HGSNAT: variants seen among roughly 807,000 people sequenced by gnomAD.
The protein encoded by HGSNAT is transmembrane protein 76.
In HGSNAT, 59 loss-of-function variants were observed where a neutral mutation model predicts 85.2. The ratio of observed to expected loss-of-function variants is 0.69; its 90% CI spans 0.56 to 0.86. The LOEUF is 0.86. Among genes scored for constraint, HGSNAT ranks in the 40% least tolerant of loss-of-function variants. The pLI is 0.00. For synonymous variants in HGSNAT, 321 were observed against 304.5 expected (o/e 1.05, Z -0.56); for missense variants, 756 against 777.1 (o/e 0.97, Z 0.32).
At chr8:43,167,926 T>TC in intron 5 of HGSNAT, 1 of 262,234 alleles carries the variant, frequency 3.8e-6, no homozygotes, top group Non-Finnish European at 7.6e-6. Flanking sequence ...TTTCTTTCTT[T>TC]TTTTTTTTTT....
At chr8:43,155,881 G>C (rs1803076883) in intron 2 of HGSNAT, among the ~76,000 whole-genome samples, 1 of 149,770 alleles carries the variant, frequency 6.7e-6, no homozygotes, top group Non-Finnish European at 1.5e-5. Flanking sequence ...TGCTCTTTTT[G>C]CCCAGGCTGG....
intron 12 of HGSNAT, 87 bp downstream of exon 12, chr8:43,191,682 G>A: frequency 6.7e-7 from 1 of 1,498,636 alleles, no homozygotes. Flanking sequence ...TCGAGTCAGA[G>A]GAATTCTCTT....
intron 11 of HGSNAT, among the ~76,000 whole-genome samples, chr8:43,182,920 A>T (rs182134815): frequency 6.6e-6 from 1 of 152,282 alleles, no homozygotes; most frequent in African/African-American, 2.4e-5. Context: ...ACGACATGAG[A>T]TCTATCCTCT....
chr8:43,197,928 A>G lies in HGSNAT; in HGVS notation c.1702A>G (p.Thr568Ala). ...YPVVDVKGLWTGTPFFYPGMN... is the reference protein window; with the variant it reads ...YPVVDVKGLWAGTPFFYPGMN... ...AGTTGTGGATGTGAAGGGGCTGTGG[A>G]CAGGAACCCCATTCTTTTATCCAGG... The change falls in exon 17 of 18, where the codon ACA becomes GCA. Residue 568 changes from threonine (T) to alanine (A), a missense_variant. Transcript: ENST00000379644. 2 of 1,613,616 alleles carry G rather than the reference A, an allele frequency of 1.2e-6. No individual in the cohort carries two copies. Among genetic ancestry groups the G allele is most frequent in the Non-Finnish European group, 1.7e-6 (2 of 1,179,642 alleles).
At chr8:43,191,644 AG>A in intron 12 of HGSNAT, 49 bp downstream of exon 12, 1 of 1,588,986 alleles carries the variant, frequency 6.3e-7, no homozygotes, top group Non-Finnish European at 8.6e-7. Flanking sequence ...TGTTCTGCCC[AG>A]TCAGAGGTTC....
intron 9 of HGSNAT, among the ~76,000 whole-genome samples, chr8:43,175,723 A>G (rs1803788751): frequency 6.7e-6 from 1 of 150,110 alleles, no homozygotes; most frequent in Non-Finnish European, 1.5e-5. Context: ...GCACCACCAC[A>G]CCTGGCTATT....
At chr8:43,196,261 G>C (rs1586756459) in intron 14 of HGSNAT, 1 of 353,032 alleles carries the variant, frequency 2.8e-6, no homozygotes, top group East Asian at 7.5e-5. Context: ...ATTAATATTA[G>C]CTATTACTAT....
Position 43,197,043 on chromosome 8 carries a change from C to T in HGSNAT, c.1542+18C>T, listed in dbSNP as rs1013624277. ...GTATTCTTGTAAGTAAGCAGCATTC[C>T]TCGCTAAAATTCCTTTCCTTCACAT... On this transcript the variant is annotated intron_variant, in intron 15 of 17. Transcript: ENST00000379644. The T allele has an allele frequency of 9.0e-6, 14 of 1,558,250 alleles. No individual in the cohort carries two copies. In the African/African-American group the frequency reaches 1.6e-4, roughly 18 times the overall value.
intron 1 of HGSNAT, among the ~76,000 whole-genome samples, chr8:43,141,979 T>A (rs1382367802): frequency 6.6e-6 from 1 of 152,216 alleles, no homozygotes; most frequent in African/African-American, 2.4e-5. Flanking sequence ...ACCGCAAGGC[T>A]TTCCCTGTCA....
intron 1 of HGSNAT, among the ~76,000 whole-genome samples, chr8:43,143,079 G>T (rs769290042): frequency 2.7e-5 from 4 of 149,148 alleles, no homozygotes; most frequent in Admixed American, 2.0e-4. Flanking sequence ...AAATGAAAAA[G>T]AACTATTTTA....
chr8:43,200,245 T>C lies in HGSNAT; in HGVS notation c.*676T>C. The C allele has an allele frequency of 6.6e-6, 1 of 152,238 alleles. No homozygotes were observed. Among genetic ancestry groups the C allele is most frequent in the Non-Finnish European group, 1.5e-5 (1 of 68,080 alleles). 9.4% of individuals were successfully genotyped at this position (152,238 alleles called of 1,614,324 possible). A position where few individuals can be genotyped will look rare whatever the true frequency, so the allele number is the denominator to read the frequency against. ...CTGCCTGTCTGTCCATCATCTTCCT[T>C]CCTCCCTATCTCTGTGTATCTGGAT... On this transcript the variant is annotated 3_prime_UTR_variant, in exon 18 of 18. Transcript: ENST00000379644.
chr8:43,184,718 G>A (rs1221637615), intron 11 of HGSNAT, among the ~76,000 whole-genome samples: 15 of 152,180 alleles, frequency 9.9e-5, no homozygotes, highest in Admixed American at 9.8e-4. Context: ...GCCCATGCCT[G>A]TGTCCTGAAT....
At chr8:43,142,450 C>G (rs1586693219) in intron 1 of HGSNAT, among the ~76,000 whole-genome samples, 1 of 151,948 alleles carries the variant, frequency 6.6e-6, no homozygotes, top group African/African-American at 2.4e-5. Flanking sequence ...TTGGTCGTGT[C>G]TGTAAGTGAT....
intron 9 of HGSNAT, among the ~76,000 whole-genome samples, chr8:43,175,041 A>T (rs146058155): frequency 6.6e-6 from 1 of 152,210 alleles, no homozygotes; most frequent in Admixed American, 6.5e-5. Context: ...AGTTCCATCC[A>T]TGCTGTTGCA....
At chr8:43,176,408 G>T (rs923546410) in intron 9 of HGSNAT, among the ~76,000 whole-genome samples, 10 of 152,134 alleles carry the variant, frequency 6.6e-5, no homozygotes, top group African/African-American at 2.4e-4. Flanking sequence ...CTATCTATGT[G>T]TCTGTTTTTA....
At chr8:43,145,707 C>T (rs182680413) in intron 1 of HGSNAT, among the ~76,000 whole-genome samples, 20 of 151,730 alleles carry the variant, frequency 1.3e-4, no homozygotes, top group East Asian at 7.8e-4. Flanking sequence ...GCCGAGATCG[C>T]GCCACTGCAC....
At chr8:43,163,142 G>A (rs2130726586) in intron 5 of HGSNAT, among the ~76,000 whole-genome samples, 1 of 152,226 alleles carries the variant, frequency 6.6e-6, no homozygotes, top group African/African-American at 2.4e-5. Context: ...GGAGGTTGCA[G>A]TGATCTGAGA....
Position 43,170,695 on chromosome 8 carries a change from G to T in HGSNAT, c.743+1G>T. The T allele has an allele frequency of 1.9e-6, 3 of 1,588,356 alleles. No homozygotes were observed. The highest frequency in any genetic ancestry group is 1.1e-5 in the South Asian group (1 of 87,808). ...TCCGCAGCGTGGACACCTTCAGGGG[G>T]TATGTGGGCCTCCCTGTAGCACAGT... On this transcript the variant is annotated splice_donor_variant, in intron 7 of 17. Transcript: ENST00000379644. LOFTEE classifies it high-confidence loss of function.
chr8:43,153,526 A>G (rs888206453), intron 2 of HGSNAT, among the ~76,000 whole-genome samples: 1 of 152,172 alleles, frequency 6.6e-6, no homozygotes, highest in Non-Finnish European at 1.5e-5. Flanking sequence ...AAGTTAGGGT[A>G]GTTAACATTT....
Sources: gnomAD v4.1 joint callset for allele counts (sites outside exome capture counted in the v4.1 genomes callset) on GRCh38, gnomAD v4.1.1 for gene constraint, MANE v1.5 for transcripts, NCBI Gene and HGNC (gene_info 2026-07-23, HGNC 2026-07-21) for gene names.